Variants in DPYD observed in about 807,000 individuals in gnomAD.
DPYD encodes the protein dihydropyrimidine dehydrogenase.
In DPYD, 109 loss-of-function variants were observed where a neutral mutation model predicts 116.2. That is an observed-to-expected ratio of 0.94 (90% CI 0.80 to 1.10). The LOEUF is 1.10. Among genes scored for constraint, DPYD ranks in the 50% least tolerant of loss-of-function variants. The pLI, the probability that DPYD is intolerant of heterozygous loss-of-function variation, is 0.00. For missense variants in DPYD, 1,302 were observed against 1,254.5 expected (o/e 1.04, Z -0.57); for synonymous variants, 440 against 432.0 (o/e 1.02, Z -0.23).
At chr1:97,295,093 A>C (rs1666438906) in intron 18 of DPYD, among the ~76,000 whole-genome samples, 1 of 152,220 alleles carries the variant, frequency 6.6e-6, no homozygotes, top group Admixed American at 6.5e-5. Context: ...GTATGAACCC[A>C]GACTATGACA....
chr1:97,081,468 G>T (rs1156730971), intron 22 of DPYD, among the ~76,000 whole-genome samples: 1 of 151,940 alleles, frequency 6.6e-6, no homozygotes, highest in African/African-American at 2.4e-5. Flanking sequence ...AGGCTTTTGA[G>T]AAGAAACTTA....
intron 8 of DPYD, among the ~76,000 whole-genome samples, chr1:97,606,119 A>T (rs1446348023): frequency 1.3e-5 from 2 of 152,082 alleles, no homozygotes; most frequent in African/African-American, 4.8e-5. Flanking sequence ...TCTGGAAACC[A>T]GCTTGATGTT....
chr1:97,917,181 G>C (rs899052501), intron 1 of DPYD, among the ~76,000 whole-genome samples: 22 of 152,160 alleles, frequency 1.4e-4, no homozygotes, highest in Non-Finnish European at 1.5e-5. Flanking sequence ...AAGGAGAAAA[G>C]AAATGACTGA....
intron 14 of DPYD, among the ~76,000 whole-genome samples, chr1:97,387,438 C>T (rs1201465988): frequency 6.6e-6 from 1 of 151,982 alleles, no homozygotes; most frequent in Admixed American, 6.6e-5. Flanking sequence ...AAAGTCCCTG[C>T]CCTCCTGAAG....
chr1:97,117,886 T>C (rs1652104054), intron 20 of DPYD, among the ~76,000 whole-genome samples: 1 of 152,154 alleles, frequency 6.6e-6, no homozygotes, highest in Non-Finnish European at 1.5e-5. Context: ...TCCAATTCTA[T>C]GGATGATTAT....
At chr1:97,173,279 C>CACACATACGTACATATATATGT (rs1656911191) in intron 20 of DPYD, among the ~76,000 whole-genome samples, 2 of 140,892 alleles carry the variant, frequency 1.4e-5, no homozygotes, top group Admixed American at 1.4e-4. Context: ...CATATATATG[C>CACACATACGTACATATATATGT]ACACATATAT....
chr1:97,751,250 G>T (rs1664857171), intron 3 of DPYD, among the ~76,000 whole-genome samples: 1 of 150,138 alleles, frequency 6.7e-6, no homozygotes, highest in South Asian at 2.1e-4. Flanking sequence ...TAATATACTG[G>T]ACACATACTT....
chr1:97,361,964 C>T (rs34011849), intron 16 of DPYD, among the ~76,000 whole-genome samples: 28,250 of 152,134 alleles, frequency 0.19, 3,402 homozygotes, highest in Non-Finnish European at 0.27. Flanking sequence ...GGCCATCAGG[C>T]AAGAGAAAGA....
intron 16 of DPYD, among the ~76,000 whole-genome samples, chr1:97,370,245 A>C (rs1671248108): frequency 6.6e-6 from 1 of 152,168 alleles, no homozygotes; most frequent in Non-Finnish European, 1.5e-5. Context: ...GCCATAAAAA[A>C]TCGAGTTTAT....
At chr1:97,108,684 A>AT (rs1173221438) in intron 20 of DPYD, among the ~76,000 whole-genome samples, 2 of 152,074 alleles carry the variant, frequency 1.3e-5, no homozygotes, top group Admixed American at 6.6e-5. Flanking sequence ...AACTAAAAAT[A>AT]TTTTTTTAAT....
intron 20 of DPYD, among the ~76,000 whole-genome samples, chr1:97,139,186 G>A (rs1388912592): frequency 1.3e-5 from 2 of 151,998 alleles, no homozygotes; most frequent in African/African-American, 4.8e-5. Flanking sequence ...TATTCTGATC[G>A]ATGCCAGATT....
intron 20 of DPYD, among the ~76,000 whole-genome samples, chr1:97,159,464 T>C (rs1346716754): frequency 6.6e-6 from 1 of 151,938 alleles, no homozygotes; most frequent in East Asian, 1.9e-4. Flanking sequence ...TATATATTCA[T>C]TTGGAGTCTC....
At chr1:97,322,180 C>A (rs1309612190) in intron 16 of DPYD, among the ~76,000 whole-genome samples, 1 of 145,726 alleles carries the variant, frequency 6.9e-6, no homozygotes, top group Non-Finnish European at 1.5e-5. Flanking sequence ...CACATGTATA[C>A]ATATGTAACT....
chr1:97,097,729 G>T (rs1432533959), intron 21 of DPYD, among the ~76,000 whole-genome samples: 1 of 152,040 alleles, frequency 6.6e-6, no homozygotes, highest in Non-Finnish European at 1.5e-5. Context: ...TGACAAAATT[G>T]TACAGAACTA....
At chr1:97,396,463 T>C (rs1288311984) in intron 14 of DPYD, among the ~76,000 whole-genome samples, 1 of 152,068 alleles carries the variant, frequency 6.6e-6, no homozygotes, top group Non-Finnish European at 1.5e-5. Context: ...ACCTTATTTA[T>C]ATGATCTTCG....
At chr1:97,184,102 C>G (rs909319198) in intron 20 of DPYD, among the ~76,000 whole-genome samples, 2 of 152,020 alleles carry the variant, frequency 1.3e-5, no homozygotes, top group Non-Finnish European at 2.9e-5. Flanking sequence ...CATCTCGTTC[C>G]TTTTTATGGT....
At chr1:97,702,403 C>A (rs199924801) in intron 5 of DPYD, among the ~76,000 whole-genome samples, 1 of 151,620 alleles carries the variant, frequency 6.6e-6, no homozygotes, top group East Asian at 1.9e-4. Context: ...TAAATAAATG[C>A]TAATTTCTTT....
chr1:97,637,504 CCCT>C (rs1657639504), intron 8 of DPYD, among the ~76,000 whole-genome samples: 1 of 150,568 alleles, frequency 6.6e-6, no homozygotes, highest in African/African-American at 2.5e-5. Context: ...AGTTTTCCCC[CCCT>C]CAACAACACA....
At chr1:97,306,902 C>A (rs1667208502) in intron 16 of DPYD, among the ~76,000 whole-genome samples, 1 of 151,948 alleles carries the variant, frequency 6.6e-6, no homozygotes, top group Non-Finnish European at 1.5e-5. Context: ...TTACCAAGAT[C>A]TGTGCAGCAT....
Sources: allele counts gnomAD v4.1 joint callset (sites outside exome capture counted in the v4.1 genomes callset), GRCh38; gene constraint gnomAD v4.1.1; transcripts MANE v1.5; gene names NCBI Gene and HGNC (gene_info 2026-07-23, HGNC 2026-07-21).